Variants in ABCB1 observed in about 807,000 individuals in gnomAD.
ABCB1 encodes the protein ATP-dependent translocase ABCB1.
A neutral mutation model predicts 142.0 loss-of-function variants in ABCB1; 69 were observed. The observed-to-expected ratio is 0.49, with a 90% CI of 0.40 to 0.59. The LOEUF is 0.59. Among genes scored for constraint, ABCB1 ranks in the 20% least tolerant of loss-of-function variants. ABCB1 has a pLI of 0.00. For missense variants in ABCB1, 1,326 were observed against 1,554.7 expected (o/e 0.85, Z 2.47); for synonymous variants, 532 against 539.2 (o/e 0.99, Z 0.18).
At chr7:87,507,062 C>A (rs905461130) in intron 26 of ABCB1, among the ~76,000 whole-genome samples, 2 of 152,202 alleles carry the variant, frequency 1.3e-5, no homozygotes, top group Non-Finnish European at 2.9e-5. Flanking sequence ...GGCAGTCTTA[C>A]AAGGAGGTAG....
chr7:87,521,690 C>T (rs1815516342), intron 21 of ABCB1: 2 of 944,726 alleles, frequency 2.1e-6, no homozygotes, highest in Admixed American at 1.7e-5. Context: ...AATGCAAGGC[C>T]ATACAAGGTG....
chr7:87,632,015 G>A (rs1821271745), intron 1 of ABCB1, among the ~76,000 whole-genome samples: 1 of 151,746 alleles, frequency 6.6e-6, no homozygotes, highest in Non-Finnish European at 1.5e-5. Flanking sequence ...AATTACGTAT[G>A]TGCATTTTTC....
At chr7:87,593,908 G>A (rs1819092304) in intron 3 of ABCB1, among the ~76,000 whole-genome samples, 1 of 152,132 alleles carries the variant, frequency 6.6e-6, no homozygotes, top group Non-Finnish European at 1.5e-5. Flanking sequence ...TCCTTTTGTT[G>A]TAATAAACAT....
At chr7:87,626,351 ATATGTGTCATATATATGTGTCATATG>A (rs1246458706) in intron 1 of ABCB1, among the ~76,000 whole-genome samples, 4 of 30,800 alleles carry the variant, frequency 1.3e-4, no homozygotes, top group Non-Finnish European at 1.5e-4. Context: ...TGTGTCATAT[ATATGTGTCATATATATGTGTCATATG>A]TATGTGTCAT....
rs201352004 is a variant in ABCB1 at position 87,566,956 on chromosome 7, C to T, written c.359G>A (p.Gly120Glu). Residue 120 changes from glycine (G) to glutamate (E), a missense_variant, in exon 6 of 28, where the codon GGA becomes GAA. By Grantham distance (98) the Gly-to-Glu change is moderately conservative. Coordinates refer to ENST00000622132, the MANE Select transcript of ABCB1 (RefSeq NM_001348946.2). Reference protein sequence around the residue: ...DMTRYAYYYSGIGAGVLVAAY... With the variant: ...DMTRYAYYYSEIGAGVLVAAY... ...AGCAACCAGCACCCCAGCACCAATTCCACTGTAATAATAGGCATACCTGAA... is the reference window on the plus strand; with the variant it reads ...AGCAACCAGCACCCCAGCACCAATTTCACTGTAATAATAGGCATACCTGAA... 2.2e-5 allele frequency: 36 copies of T among 1,613,998 alleles called. No individual in the cohort carries two copies. The highest frequency in any genetic ancestry group is 1.6e-4 in the Middle Eastern group (1 of 6,084).
At chr7:87,640,645 C>T (rs1403827819) in intron 1 of ABCB1, among the ~76,000 whole-genome samples, 1 of 152,140 alleles carries the variant, frequency 6.6e-6, no homozygotes, top group Non-Finnish European at 1.5e-5. Flanking sequence ...ACGTGTGTCT[C>T]CATTATCTTT....
chr7:87,662,664 T>C (rs1824832803), intron 1 of ABCB1, among the ~76,000 whole-genome samples: 1 of 152,168 alleles, frequency 6.6e-6, no homozygotes, highest in African/African-American at 2.4e-5. Context: ...AGCCCTGTAG[T>C]ATACTTTGAA....
At chr7:87,608,268 T>A (rs980409328) in intron 1 of ABCB1, among the ~76,000 whole-genome samples, 22 of 152,212 alleles carry the variant, frequency 1.4e-4, no homozygotes, top group African/African-American at 5.3e-4. Context: ...ACTTGTAAAA[T>A]AAGACAGTGA....
At chr7:87,619,746 A>ATGTG (rs778899617) in intron 1 of ABCB1, among the ~76,000 whole-genome samples, 18 of 146,046 alleles carry the variant, frequency 1.2e-4, no homozygotes, top group South Asian at 2.2e-4. Flanking sequence ...ACACAAACAC[A>ATGTG]TGTGTGTGTG....
chr7:87,663,065 C>T (rs1019442963), intron 1 of ABCB1, among the ~76,000 whole-genome samples: 6 of 152,140 alleles, frequency 3.9e-5, no homozygotes, highest in Admixed American at 3.9e-4. Flanking sequence ...TATAGGAAAG[C>T]TGCTGACTTT....
intron 1 of ABCB1, among the ~76,000 whole-genome samples, chr7:87,639,804 G>A (rs1170690458): frequency 2.0e-5 from 3 of 151,808 alleles, no homozygotes; most frequent in Admixed American, 6.6e-5. Context: ...GTCCTTGTAG[G>A]TAAGATAGGA....
chr7:87,648,797 A>G lies in ABCB1; in HGVS notation c.-330-47719T>C, dbSNP rs28381760. On this transcript the variant is annotated intron_variant, in intron 1 of 28. Transcript: ENST00000265724. ...TTATAATTTTTACTTAATTATAAAG[A>G]TTATTTTGCATGGTTTCAACTTGCA... 4.8e-3 allele frequency among the ~76,000 whole-genome samples: 729 copies of G among 152,238 alleles called. 4 individuals are homozygous for G. Among genetic ancestry groups the G allele is most frequent in the African/African-American group, 0.017 (690 of 41,540 alleles).
intron 1 of ABCB1, among the ~76,000 whole-genome samples, chr7:87,667,264 C>A (rs1288402308): frequency 1.3e-5 from 2 of 152,054 alleles, no homozygotes; most frequent in East Asian, 3.9e-4. Context: ...AGTGGGATTG[C>A]CATTCTGATT....
At chr7:87,526,743 A>G (rs1054706663) in intron 21 of ABCB1, among the ~76,000 whole-genome samples, 2 of 152,168 alleles carry the variant, frequency 1.3e-5, no homozygotes, top group African/African-American at 4.8e-5. Context: ...AATGTAACCA[A>G]TCCGGAAAAA....
intron 14 of ABCB1, among the ~76,000 whole-genome samples, chr7:87,546,672 T>A (rs997767845): frequency 1.3e-5 from 2 of 152,200 alleles, no homozygotes; most frequent in African/African-American, 4.8e-5. Flanking sequence ...TGTGCTGTAC[T>A]GATACACACC....
chr7:87,603,308 C>T (rs746308935), upstream of ABCB1, among the ~76,000 whole-genome samples: 2 of 152,204 alleles, frequency 1.3e-5, no homozygotes, highest in Non-Finnish European at 2.9e-5. Flanking sequence ...CAATAAAAGA[C>T]ACTGAGGTTT....
chr7:87,516,387 G>T, intron 24 of ABCB1, 122 bp downstream of exon 24: 1 of 1,263,332 alleles, frequency 7.9e-7, no homozygotes. Context: ...AGGAATCTAT[G>T]ATCTAGGAAG....
At position 87,536,389 on chromosome 7, in the gene ABCB1, A is replaced by G; in HGVS notation, c.2481+69T>C. The G allele has an allele frequency of 2.1e-6, 3 of 1,406,544 alleles. No homozygotes were observed. The South Asian group carries it at 3.5e-5, about 16-fold the overall frequency. 87.1% of individuals were successfully genotyped at this position (1,406,544 alleles called of 1,614,324 possible). On this transcript the variant is annotated intron_variant, in intron 20 of 27. Transcript: ENST00000622132. The stretch of plus-strand genomic sequence containing the variant: ...GATGATAACTAACACCCGTAAGGAG[A>G]AAATTAGTTTCATGCTGGGGTCCAA...
upstream of ABCB1, among the ~76,000 whole-genome samples, chr7:87,603,490 C>T (rs1819538976): frequency 6.6e-6 from 1 of 152,162 alleles, no homozygotes; most frequent in Non-Finnish European, 1.5e-5. Flanking sequence ...TCTTGGAAAA[C>T]CTGCAATGGC....
Sources: allele counts gnomAD v4.1 joint callset (sites outside exome capture counted in the v4.1 genomes callset), GRCh38; gene constraint gnomAD v4.1.1; transcripts MANE v1.5; gene names NCBI Gene and HGNC (gene_info 2026-07-23, HGNC 2026-07-21).